The following CSMD1 variants were observed in gnomAD, a reference collection of about 807,000 sequenced individuals.
CSMD1 encodes CUB and Sushi multiple domains 1, also known as CUB and sushi domain-containing protein 1.
Under a neutral mutation model 417.5 loss-of-function variants are expected in CSMD1, and 213 were observed. The observed-to-expected ratio is 0.51, with a 90% CI of 0.46 to 0.57. CSMD1 has a LOEUF of 0.57. Ranked by LOEUF, CSMD1 falls within the 20% of genes least tolerant of loss-of-function variation. The pLI is 0.00. For missense variants in CSMD1, 6,923 were observed against 4,529.7 expected (o/e 1.53, Z -15.17); for synonymous variants, 2,862 against 1,736.8 (o/e 1.65, Z -16.11).
intron 50 of CSMD1, among the ~76,000 whole-genome samples, chr8:3,041,352 T>C (rs897545785): frequency 6.6e-6 from 1 of 152,214 alleles, no homozygotes; most frequent in African/African-American, 2.4e-5. Flanking sequence ...CTATTTTATA[T>C]GTATTACTTG....
chr8:3,145,241 T>C (rs1213415370), intron 40 of CSMD1, among the ~76,000 whole-genome samples: 2 of 152,196 alleles, frequency 1.3e-5, no homozygotes, highest in African/African-American at 2.4e-5. Flanking sequence ...CTTCTACGTA[T>C]GTCCAGAGTA....
chr8:3,557,659 T>C (rs757531497), intron 10 of CSMD1, among the ~76,000 whole-genome samples: 2 of 152,170 alleles, frequency 1.3e-5, no homozygotes, highest in Non-Finnish European at 2.9e-5. Context: ...GCGGAAATGC[T>C]TGGAGCATGG....
At chr8:4,060,905 G>A (rs1454586325) in intron 3 of CSMD1, among the ~76,000 whole-genome samples, 2 of 152,274 alleles carry the variant, frequency 1.3e-5, no homozygotes, top group Non-Finnish European at 2.9e-5. Context: ...CACTAAGCCT[G>A]TTTCCCATTT....
intron 3 of CSMD1, among the ~76,000 whole-genome samples, chr8:4,271,398 C>G (rs1457332824): frequency 6.6e-6 from 1 of 152,118 alleles, no homozygotes; most frequent in Non-Finnish European, 1.5e-5. Context: ...AAATACGTAG[C>G]TTTGCCTGAT....
At position 3,219,277 on chromosome 8, in the gene CSMD1, T is replaced by A; in HGVS notation, c.4650A>T (p.Ser1550=). ...TACCTTTAAATTCAATGGCGAACCC[T>A]GAAAGGCCCACGGAGGCATCACTCC... ...AFRSDASVGL[S]GFAIEFKEKP... The change falls in exon 29 of 70, where the codon TCA becomes TCT. Residue 1550 remains serine, a synonymous_variant. Coordinates refer to ENST00000635120, the MANE Select transcript of CSMD1 (RefSeq NM_033225.6). 1.3e-6 allele frequency: 2 copies of A among 1,594,520 alleles called. No homozygotes were observed. Among genetic ancestry groups the A allele is most frequent in the Non-Finnish European group, 1.7e-6 (2 of 1,169,594 alleles).
At chr8:3,755,992 C>A (rs755842973) in intron 5 of CSMD1, among the ~76,000 whole-genome samples, 6 of 151,984 alleles carry the variant, frequency 3.9e-5, no homozygotes, top group Non-Finnish European at 7.4e-5. Context: ...CGGAGAATGT[C>A]TAAAAAACTA....
At chr8:4,433,028 G>A (rs940850557) in intron 2 of CSMD1, among the ~76,000 whole-genome samples, 1 of 152,068 alleles carries the variant, frequency 6.6e-6, no homozygotes, top group Non-Finnish European at 1.5e-5. Flanking sequence ...ACACTGTCGT[G>A]AACTACGTAT....
chr8:4,722,887 G>T (rs987297292), intron 1 of CSMD1, among the ~76,000 whole-genome samples: 3 of 152,002 alleles, frequency 2.0e-5, no homozygotes, highest in African/African-American at 7.2e-5. Context: ...TCTCCTCTGT[G>T]AAATACAAAG....
chr8:3,986,128 T>G (rs1354337453), intron 5 of CSMD1, among the ~76,000 whole-genome samples: 1 of 152,042 alleles, frequency 6.6e-6, no homozygotes, highest in African/African-American at 2.4e-5. Flanking sequence ...TGAACAGGAT[T>G]TCTCAAGTGA....
At chr8:3,933,769 T>C (rs1334817401) in intron 5 of CSMD1, among the ~76,000 whole-genome samples, 1 of 152,230 alleles carries the variant, frequency 6.6e-6, no homozygotes, top group Non-Finnish European at 1.5e-5. Flanking sequence ...AGGTTTTATA[T>C]ATTTTCCTGC....
At chr8:3,286,972 C>T (rs575552479) in intron 25 of CSMD1, among the ~76,000 whole-genome samples, 34 of 152,178 alleles carry the variant, frequency 2.2e-4, no homozygotes, top group African/African-American at 7.5e-4. Flanking sequence ...ACATTTAAGT[C>T]TTTAATCCAT....
At chr8:3,443,486 C>T (rs1184781698) in intron 12 of CSMD1, among the ~76,000 whole-genome samples, 1 of 152,168 alleles carries the variant, frequency 6.6e-6, no homozygotes, top group African/African-American at 2.4e-5. Flanking sequence ...ATAGAGATAT[C>T]TACATATGTG....
intron 5 of CSMD1, among the ~76,000 whole-genome samples, chr8:3,985,953 C>G (rs1215027301): frequency 1.3e-5 from 2 of 151,602 alleles, no homozygotes; most frequent in East Asian, 3.9e-4. Flanking sequence ...CTAATTCTAG[C>G]CTAAAAGTTT....
chr8:3,155,558 G>A (rs985848734), intron 39 of CSMD1, among the ~76,000 whole-genome samples: 1 of 151,104 alleles, frequency 6.6e-6, no homozygotes, highest in African/African-American at 2.4e-5. Flanking sequence ...TAGTAGAGAC[G>A]GGATTTTACC....
In CSMD1 at chr8:3,313,307, G is replaced by A. The variant is rs959999695; in HGVS notation, c.3632-4804C>T. Among the ~76,000 whole-genome samples the A allele has an allele frequency of 2.6e-5, 4 of 152,108 alleles. No homozygotes were observed. In the East Asian group the frequency reaches 7.7e-4, roughly 29 times the overall value. ...ACTAACGAGGTTCTGCACAGCAAAA[G>A]AAACCACCATCAGAGTGAACAGGCA... On this transcript the variant is annotated intron_variant, in intron 23 of 69. Transcript: ENST00000635120.
At chr8:3,324,168 G>A (rs572943079) in intron 23 of CSMD1, among the ~76,000 whole-genome samples, 2 of 118,124 alleles carry the variant, frequency 1.7e-5, no homozygotes, top group Non-Finnish European at 3.5e-5. Flanking sequence ...TCGGGAGGGG[G>A]AGTTTCCTTC....
At chr8:4,868,447 G>T (rs573874859) in intron 1 of CSMD1, among the ~76,000 whole-genome samples, 1 of 151,902 alleles carries the variant, frequency 6.6e-6, no homozygotes, top group Non-Finnish European at 1.5e-5. Context: ...CATTGATCAG[G>T]CTGGTCTCAA....
intron 26 of CSMD1, among the ~76,000 whole-genome samples, chr8:3,246,506 C>T (rs1003277439): frequency 6.6e-6 from 1 of 152,098 alleles, no homozygotes; most frequent in Non-Finnish European, 1.5e-5. Flanking sequence ...GAGTCTCACT[C>T]TGTCACCCAG....
intron 3 of CSMD1, among the ~76,000 whole-genome samples, chr8:4,151,887 T>C (rs1201968334): frequency 6.6e-6 from 1 of 152,164 alleles, no homozygotes; most frequent in East Asian, 1.9e-4. Flanking sequence ...ACATTAAATA[T>C]TAGAGGGCAG....
Sources: gnomAD v4.1 joint callset for allele counts (sites outside exome capture counted in the v4.1 genomes callset) on GRCh38, gnomAD v4.1.1 for gene constraint, MANE v1.5 for transcripts, NCBI Gene and HGNC (gene_info 2026-07-23, HGNC 2026-07-21) for gene names.